Variants in APOLD1 observed in about 807,000 individuals in gnomAD.
APOLD1 encodes the protein apolipoprotein L domain containing 1, also known as apolipoprotein L domain-containing protein 1.
A neutral mutation model predicts 15.3 loss-of-function variants in APOLD1; 22 were observed. That is an observed-to-expected ratio of 1.44 (90% CI 1.03 to 2.05). APOLD1 has a LOEUF of 2.05. Among genes scored for constraint, APOLD1 ranks in the 30% most tolerant of loss-of-function variants. The probability of loss-of-function intolerance (pLI) is 0.00; values close to 1 mark genes in which losing one functional copy is unlikely to be tolerated. For missense variants in APOLD1, 394 were observed against 353.5 expected, an observed-to-expected ratio of 1.11 and a Z score of -0.92; for synonymous variants, 190 against 167.4, an observed-to-expected ratio of 1.13 and a Z score of -1.04.
At chr12:12,785,725 G>C in intron 1 of APOLD1, 31 bp downstream of exon 1, 1 of 1,603,332 alleles carries the variant, frequency 6.2e-7, no homozygotes, top group Admixed American at 1.7e-5. Context: ...CATATATTCG[G>C]GATGACTTTT....
At chr12:12,747,106 T>C (rs1451807236) in intron 1 of APOLD1, among the ~76,000 whole-genome samples, 1 of 152,202 alleles carries the variant, frequency 6.6e-6, no homozygotes, top group Non-Finnish European at 1.5e-5. Flanking sequence ...ATTACCCATG[T>C]AATAATACAT....
intron 1 of APOLD1, among the ~76,000 whole-genome samples, chr12:12,780,045 C>A (rs1031500357): frequency 6.6e-6 from 1 of 151,646 alleles, no homozygotes; most frequent in Non-Finnish European, 1.5e-5. Context: ...CTGTATAGTC[C>A]AAGAGAAAAT....
chr12:12,743,727 T>G (rs1454377519), intron 1 of APOLD1, among the ~76,000 whole-genome samples: 40 of 152,158 alleles, frequency 2.6e-4, no homozygotes, highest in African/African-American at 7.2e-5. Flanking sequence ...TGGGAGAGTA[T>G]CTTGGATTAT....
chr12:12,787,911 A>C lies in APOLD1; in HGVS notation c.*259A>C. On this transcript the variant is annotated 3_prime_UTR_variant, in exon 2 of 2. Transcript: ENST00000356591. The surrounding 1 kb of genome is among the most constrained non-coding windows in gnomAD (Gnocchi z 4.9). Reference sequence around the variant, plus strand: ...CCAAAAACTCTTTTTCCTTTATCAAAAACTTTCTGTCTAAACACAGCTGGG... The same window carrying C: ...CCAAAAACTCTTTTTCCTTTATCAACAACTTTCTGTCTAAACACAGCTGGG... 1 of 463,892 alleles carries C rather than the reference A, an allele frequency of 2.2e-6. No individual in the cohort carries two copies. The allele number at this position is 463,892 out of a possible 1,614,324, so 28.7% of individuals were successfully genotyped here.
chr12:12,759,120 C>T (rs1946879455), intron 1 of APOLD1, among the ~76,000 whole-genome samples: 1 of 152,166 alleles, frequency 6.6e-6, no homozygotes, highest in African/African-American at 2.4e-5. Context: ...TCACGCTACT[C>T]AAATGGCATG....
intron 1 of APOLD1, among the ~76,000 whole-genome samples, chr12:12,758,127 G>A (rs1205070581): frequency 6.7e-5 from 10 of 148,314 alleles, no homozygotes; most frequent in African/African-American, 1.2e-4. Flanking sequence ...TAGTAGAGAC[G>A]GGGTTTCACT....
chr12:12,781,118 T>C (rs1028011914), upstream of APOLD1, among the ~76,000 whole-genome samples: 7 of 152,232 alleles, frequency 4.6e-5, no homozygotes, highest in Admixed American at 6.5e-5. Context: ...CAATTTTTTA[T>C]ATTCCATTAT....
intron 1 of APOLD1, among the ~76,000 whole-genome samples, chr12:12,761,373 G>T (rs1286669602): frequency 6.6e-6 from 1 of 152,094 alleles, no homozygotes; most frequent in Non-Finnish European, 1.5e-5. Flanking sequence ...TTTGACTAAA[G>T]CCTTACTTTT....
chr12:12,778,617 T>G (rs1010891486), intron 1 of APOLD1, among the ~76,000 whole-genome samples: 1 of 152,044 alleles, frequency 6.6e-6, no homozygotes, highest in African/African-American at 2.4e-5. Context: ...AGCCAGCCAG[T>G]GTGCCTAGCT....
intron 1 of APOLD1, among the ~76,000 whole-genome samples, chr12:12,758,956 T>G (rs12299382): frequency 0.043 from 6,559 of 152,206 alleles, 480 homozygotes; most frequent in African/African-American, 0.15. Context: ...TAGGGTGACT[T>G]GAATACAAGC....
intron 1 of APOLD1, among the ~76,000 whole-genome samples, chr12:12,755,197 G>A (rs531217460): frequency 9.9e-5 from 15 of 152,238 alleles, no homozygotes; most frequent in African/African-American, 3.6e-4. Context: ...CTCCATACCT[G>A]TAGGAAAAAG....
At chr12:12,757,988 C>T (rs1946868712) in intron 1 of APOLD1, among the ~76,000 whole-genome samples, 2 of 138,574 alleles carry the variant, frequency 1.4e-5, no homozygotes, top group Admixed American at 7.9e-5. Context: ...TCGCCAGGTG[C>T]GATCTTGGCT....
chr12:12,790,949 TA>T lies in APOLD1; in HGVS notation c.*3299del, dbSNP rs1355586895. On this transcript the variant is annotated 3_prime_UTR_variant, in exon 2 of 2. Transcript: ENST00000356591. ...AGACGGGAGAGAGGTATTTAGATGA[TA>T]AGTGTACTTCACAAAAATGCCAAAG... 1 of 152,232 alleles carries T rather than the reference TA, an allele frequency of 6.6e-6. No individual in the cohort carries two copies. The highest frequency in any genetic ancestry group is 2.4e-5 in the African/African-American group (1 of 41,468). The allele number at this position is 152,232 out of a possible 1,614,324, so 9.4% of individuals were successfully genotyped here.
chr12:12,778,430 C>T (rs1474089780), intron 1 of APOLD1, among the ~76,000 whole-genome samples: 1 of 152,154 alleles, frequency 6.6e-6, no homozygotes, highest in Non-Finnish European at 1.5e-5. Context: ...AGCACTCCTC[C>T]CACCTCAGCC....
chr12:12,768,118 C>G (rs1213572026), intron 1 of APOLD1, among the ~76,000 whole-genome samples: 5 of 152,058 alleles, frequency 3.3e-5, no homozygotes, highest in African/African-American at 1.2e-4. Flanking sequence ...TCTTGAACTT[C>G]TGTGGATTTT....
Position 12,739,231 on chromosome 12 carries a change from C to T in APOLD1, c.96+13135C>T, listed in dbSNP as rs569451640. Among the ~76,000 whole-genome samples, 230 of 152,300 alleles carry T rather than the reference C, an allele frequency of 1.5e-3. 3 individuals carry two copies. The South Asian group carries it at 0.046, about 31-fold the overall frequency. The stretch of plus-strand genomic sequence containing the variant: ...TTCCCAGGACACCTCTGCTAAACTC[C>T]TATTTTTACCGTGGTTATTTAAATA... On this transcript the variant is annotated intron_variant, in intron 1 of 1. Coordinates refer to the APOLD1 transcript ENST00000326765.
rs190758630 is a variant in APOLD1, at chr12:12,744,489, A to T, written c.96+18393A>T. Among the ~76,000 whole-genome samples the T allele has an allele frequency of 2.7e-3, 399 of 149,276 alleles. 1 individual carries two copies. Among genetic ancestry groups the T allele is most frequent in the Non-Finnish European group, 4.3e-3 (291 of 67,218 alleles). On this transcript the variant is annotated intron_variant, in intron 1 of 1. Coordinates refer to the APOLD1 transcript ENST00000326765. ...CTGGGCCTGGTGGTGCACACCTGTA[A>T]TCCCAGCTACTCAGGAGGCTGAGGC...
intron 1 of APOLD1, among the ~76,000 whole-genome samples, chr12:12,750,443 C>T (rs988273879): frequency 6.7e-5 from 10 of 149,518 alleles, no homozygotes; most frequent in Non-Finnish European, 1.3e-4. Context: ...TTAACCCACA[C>T]ATGTAAGATA....
At chr12:12,786,102 T>C (rs1947121735) in intron 1 of APOLD1, among the ~76,000 whole-genome samples, 1 of 152,206 alleles carries the variant, frequency 6.6e-6, no homozygotes, top group Non-Finnish European at 1.5e-5. Context: ...GGCTTCAACG[T>C]GGTAGAAGTT....
Sources: allele counts gnomAD v4.1 joint callset (sites outside exome capture counted in the v4.1 genomes callset), GRCh38; gene constraint gnomAD v4.1.1; non-coding constraint Gnocchi (gnomAD v3.1); transcripts MANE v1.5; gene names NCBI Gene and HGNC (gene_info 2026-07-23, HGNC 2026-07-21).